The following NLRP8 variants were observed in gnomAD, a reference collection of about 807,000 sequenced individuals.
NLRP8 encodes the protein NACHT, LRR and PYD domains-containing protein 8.
In NLRP8, 86 loss-of-function variants were observed where a neutral mutation model predicts 88.7. The observed-to-expected ratio is 0.97, with a 90% CI of 0.81 to 1.16. The LOEUF (loss-of-function observed/expected upper bound fraction) is 1.16, where lower values mean the gene tolerates loss of function less well. Among genes scored for constraint, NLRP8 ranks in the 50% most tolerant of loss-of-function variants. The pLI, the probability that NLRP8 is intolerant of heterozygous loss-of-function variation, is 0.00. For synonymous variants in NLRP8, 504 were observed against 494.6 expected (o/e 1.02, Z -0.25); for missense variants, 1,342 against 1,286.5 (o/e 1.04, Z -0.66).
In NLRP8 at chr19:55,948,196, G is replaced by A. The variant is rs760332716; in HGVS notation, c.294G>A (p.Trp98Ter). ...AGCGTTTCCCTGGACGACGCGCTTG[G>A]GATGTGACTTCGAACATCTTTGCCA... is the stretch of plus-strand genomic sequence containing the variant. The change falls in exon 1 of 10, where the codon TGG becomes TGA. Residue 98 changes from tryptophan to a stop codon, truncating the protein, a stop_gained. Coordinates refer to ENST00000291971, the MANE Select transcript of NLRP8 (RefSeq NM_176811.2). LOFTEE classifies it high-confidence loss of function. 3.7e-6 allele frequency: 6 copies of A among 1,614,158 alleles called. No individual in the cohort carries two copies. In the South Asian group the frequency reaches 6.6e-5, roughly 18 times the overall value.
chr19:55,957,589 G>A (rs1266177926), intron 3 of NLRP8, among the ~76,000 whole-genome samples: 1 of 150,780 alleles, frequency 6.6e-6, no homozygotes. Flanking sequence ...GGGAGGCTGA[G>A]GCAGGAGAAT....
rs948582543 is a variant in NLRP8, at chr19:55,953,555, G to A, written c.442+943G>A. On this transcript the variant is annotated intron_variant, in intron 2 of 9. Transcript: ENST00000291971. ...TCTGTCGCCCAGGCTGGAGTGCAGT[G>A]GCGTGATCTCTCAGCTCACTGCAAC... 2.8e-4 allele frequency among the ~76,000 whole-genome samples: 42 copies of A among 151,868 alleles called. 1 individual carries two copies. Among genetic ancestry groups the A allele is most frequent in the African/African-American group, 9.9e-4 (41 of 41,406 alleles).
At chr19:55,970,523 A>G (rs749897520) in intron 5 of NLRP8, 21 bp from the exon 6 acceptor site, 3 of 1,613,106 alleles carry the variant, frequency 1.9e-6, no homozygotes, top group African/African-American at 1.3e-5. Context: ...ATGGCTCAGC[A>G]TTTGTATCTG....
intron 9 of NLRP8, among the ~76,000 whole-genome samples, chr19:55,987,093 G>A (rs1468143851): frequency 6.6e-6 from 1 of 152,230 alleles, no homozygotes; most frequent in Non-Finnish European, 1.5e-5. Context: ...AGAGGGCTGG[G>A]TGCAGTGGCT....
intron 6 of NLRP8, among the ~76,000 whole-genome samples, chr19:55,972,071 T>G (rs1237111254): frequency 6.6e-6 from 1 of 151,992 alleles, no homozygotes; most frequent in African/African-American, 2.4e-5. Flanking sequence ...GATGGTCTCT[T>G]TCTCTTCTCT....
intron 3 of NLRP8, among the ~76,000 whole-genome samples, 154 bp from the exon 4 acceptor site, chr19:55,961,913 G>C (rs1173331386): frequency 6.6e-6 from 1 of 152,198 alleles, no homozygotes; most frequent in South Asian, 2.1e-4. Flanking sequence ...ACCTCGTGAT[G>C]GTTTTTCTGA....
chr19:55,968,507 A>G (rs1979940775), intron 5 of NLRP8, among the ~76,000 whole-genome samples: 1 of 147,646 alleles, frequency 6.8e-6, no homozygotes, highest in Non-Finnish European at 1.5e-5. Context: ...TTGGGAGGTC[A>G]AGGTGGGTGG....
intron 4 of NLRP8, 119 bp downstream of exon 4, chr19:55,962,356 T>C (rs1979652894): frequency 5.5e-6 from 6 of 1,081,658 alleles, no homozygotes; most frequent in Non-Finnish European, 1.3e-6. Context: ...TGTCCAGCCT[T>C]GGACGGAGGT....
intron 4 of NLRP8, among the ~76,000 whole-genome samples, chr19:55,964,492 C>A (rs917192937): frequency 6.6e-6 from 1 of 152,136 alleles, no homozygotes; most frequent in African/African-American, 2.4e-5. Flanking sequence ...TGGCTCACGC[C>A]GGTAATCCCA....
At chr19:55,965,062 G>A (rs1396516464) in intron 4 of NLRP8, among the ~76,000 whole-genome samples, 1 of 152,092 alleles carries the variant, frequency 6.6e-6, no homozygotes, top group African/African-American at 2.4e-5. Flanking sequence ...GAGCCAGTAG[G>A]ATCACTTGAG....
rs1980974154 is a variant in NLRP8 at position 55,988,468 on chromosome 19, A to ATATATATATG, written c.*556_*557insATATATATGT. ...TGTATATATATATATATATATATATATGCTATATAAAGTTTAAATGAAATG... is the reference window on the plus strand; with the variant it reads ...TGTATATATATATATATATATATATATATATATATGTGCTATATAAAGTTTAAATGAAATG... On this transcript the variant is annotated 3_prime_UTR_variant, in exon 10 of 10. Coordinates refer to ENST00000291971, the MANE Select transcript of NLRP8 (RefSeq NM_176811.2). The ATATATATATG allele has an allele frequency of 2.1e-5, 3 of 145,818 alleles. No individual in the cohort carries two copies. The highest frequency in any genetic ancestry group is 4.4e-4 in the South Asian group (2 of 4,588). The allele number at this position is 145,818 out of a possible 1,614,324, so 9.0% of individuals were successfully genotyped here.
intron 9 of NLRP8, among the ~76,000 whole-genome samples, chr19:55,984,569 C>T (rs1600320809): frequency 6.7e-6 from 1 of 150,016 alleles, no homozygotes; most frequent in Non-Finnish European, 1.5e-5. Flanking sequence ...CAGGAGAATC[C>T]CTTAAACCTA....
rs759060555 is a variant in NLRP8, at chr19:55,987,862, C to T, written c.3096C>T (p.His1032=). 3.1e-6 allele frequency: 5 copies of T among 1,613,984 alleles called. No homozygotes were observed. The African/African-American group carries it at 6.7e-5, about 22-fold the overall frequency. Residue 1032 remains histidine, a synonymous_variant, in exon 10 of 10, where the codon CAC becomes CAT. Transcript: ENST00000291971. Reference sequence around the variant, plus strand: ...TAACTAGCTTCTCCCCAACTCCTCACCCACCCGACTTCACGGGAAAAAGTG... The same window carrying T: ...TAACTAGCTTCTCCCCAACTCCTCATCCACCCGACTTCACGGGAAAAAGTG...
chr19:55,979,481 G>C lies in NLRP8; in HGVS notation c.2964G>C (p.Leu988Phe). ...ACCAACATCTGAGACATCTGGACTTGAGCAAGAATGCGATTGGAGTCTATG... is the reference window on the plus strand; with the variant it reads ...ACCAACATCTGAGACATCTGGACTTCAGCAAGAATGCGATTGGAGTCTATG... Residue 988 changes from leucine (L) to phenylalanine (F), a missense_variant, in exon 9 of 10, where the codon TTG (leucine) becomes TTC (phenylalanine). By Grantham distance (22) the Leu-to-Phe change is conservative (BLOSUM62 0). Coordinates refer to ENST00000291971, the MANE Select transcript of NLRP8 (RefSeq NM_176811.2). 2 of 1,614,226 alleles carry C rather than the reference G, an allele frequency of 1.2e-6. No homozygotes were observed. The highest frequency in any genetic ancestry group is 1.7e-6 in the Non-Finnish European group (2 of 1,180,038).
chr19:55,968,084 ATTTAATAT>A (rs1462212834), intron 5 of NLRP8, among the ~76,000 whole-genome samples: 5 of 152,244 alleles, frequency 3.3e-5, no homozygotes, highest in Admixed American at 3.3e-4. Context: ...TGAAACATGA[ATTTAATAT>A]AATTTTCATA....
chr19:55,949,112 CAGAG>C (rs1232381490), intron 1 of NLRP8, among the ~76,000 whole-genome samples: 1 of 152,126 alleles, frequency 6.6e-6, no homozygotes, highest in Non-Finnish European at 1.5e-5. Context: ...TATTCTGAGA[CAGAG>C]AGAGACCACA....
In NLRP8 at chr19:55,964,854, A is replaced by C. The variant is rs191835754; in HGVS notation, c.2214-1359A>C. 1.0e-3 allele frequency among the ~76,000 whole-genome samples: 152 copies of C among 152,316 alleles called. 4 individuals are homozygous for C. The Middle Eastern group carries it at 0.041, about 41-fold the overall frequency. On this transcript the variant is annotated intron_variant, in intron 4 of 9. Coordinates refer to ENST00000291971, the MANE Select transcript of NLRP8 (RefSeq NM_176811.2). ...AAACTCATCAAATTGTATATGTTAA[A>C]TATATGCAGGTTTTTTAATATCAAA...
chr19:55,949,565 C>G (rs978827221), intron 1 of NLRP8, among the ~76,000 whole-genome samples: 1 of 152,104 alleles, frequency 6.6e-6, no homozygotes, highest in Non-Finnish European at 1.5e-5. Context: ...AAATCAGTAT[C>G]CACATTGTTC....
chr19:55,970,828 A>C, intron 6 of NLRP8, 132 bp downstream of exon 6: 1 of 1,156,760 alleles, frequency 8.6e-7, no homozygotes, highest in Admixed American at 2.3e-5. Flanking sequence ...CTTGTGATTG[A>C]TGTAATTATA....
Sources: gnomAD v4.1 joint callset for allele counts (sites outside exome capture counted in the v4.1 genomes callset) on GRCh38, gnomAD v4.1.1 for gene constraint, MANE v1.5 for transcripts, NCBI Gene and HGNC (gene_info 2026-07-23, HGNC 2026-07-21) for gene names.